IRAK1BP1: variants seen among roughly 807,000 people sequenced by gnomAD.
IRAK1BP1 encodes the protein interleukin-1 receptor-associated kinase 1-binding protein 1.
In IRAK1BP1, 24 loss-of-function variants were observed where a neutral mutation model predicts 28.0. The observed-to-expected ratio is 0.86, with a 90% CI of 0.62 to 1.20. The LOEUF is 1.20. IRAK1BP1 is among the 50% of genes most tolerant of loss of function. IRAK1BP1 has a pLI of 0.00. For missense variants in IRAK1BP1, 336 were observed against 316.7 expected (o/e 1.06, Z -0.46); for synonymous variants, 131 against 116.3 (o/e 1.13, Z -0.81).
chr6:78,888,696 G>A (rs576218060), intron 2 of IRAK1BP1, among the ~76,000 whole-genome samples: 23 of 151,922 alleles, frequency 1.5e-4, no homozygotes, highest in Non-Finnish European at 2.9e-4. Flanking sequence ...AGTAGAGATG[G>A]GATTTCACCA....
At chr6:78,873,504 G>T (rs1319342729) in intron 1 of IRAK1BP1, among the ~76,000 whole-genome samples, 3 of 151,410 alleles carry the variant, frequency 2.0e-5, no homozygotes, top group Non-Finnish European at 4.4e-5. Flanking sequence ...TAAACACAGG[G>T]TCTCATTCTG....
intron 4 of IRAK1BP1, among the ~76,000 whole-genome samples, chr6:78,927,524 G>A (rs1294626460): frequency 1.3e-5 from 2 of 152,098 alleles, no homozygotes; most frequent in African/African-American, 2.4e-5. Context: ...TTGCTGTGCA[G>A]TAGCTTTTTA....
intron 4 of IRAK1BP1, among the ~76,000 whole-genome samples, chr6:78,910,757 C>T (rs1025241626): frequency 1.3e-5 from 2 of 152,262 alleles, no homozygotes; most frequent in East Asian, 1.9e-4. Flanking sequence ...CGCTTCTCGC[C>T]GGCTGGGACT....
the IRAK1BP1 span, among the ~76,000 whole-genome samples, chr6:78,979,322 G>A: frequency 6.6e-6 from 1 of 151,988 alleles, no homozygotes; most frequent in Non-Finnish European, 1.5e-5. Flanking sequence ...AAGGTAACAA[G>A]ATATCCCCAC....
Position 78,898,278 on chromosome 6 carries a change from A to T in IRAK1BP1, c.727A>T (p.Lys243Ter). Reference protein sequence around the residue: ...IKSATIHAASKVFITFEVKGK... With the variant: ...IKSATIHAAS ...AAGTGCAACAATACATGCTGCTTCA[A>T]AAGTATTTATAACTTTTGAGGTAAA... The change falls in exon 4 of 4, where the codon AAA (lysine) becomes TAA (stop). Residue 243 changes from lysine (K) to a stop codon, truncating the protein, a stop_gained. Coordinates refer to ENST00000369940, the MANE Select transcript of IRAK1BP1 (RefSeq NM_001010844.4). LOFTEE classifies it high-confidence loss of function. The T allele has an allele frequency of 1.2e-6, 2 of 1,611,248 alleles. No individual in the cohort carries two copies. Among genetic ancestry groups the T allele is most frequent in the Non-Finnish European group, 1.7e-6 (2 of 1,178,510 alleles).
At chr6:78,879,881 G>T (rs936070660) in intron 1 of IRAK1BP1, among the ~76,000 whole-genome samples, 4 of 152,180 alleles carry the variant, frequency 2.6e-5, no homozygotes, top group African/African-American at 9.6e-5. Context: ...ATAGTAGTGA[G>T]GTTGGTCAGG....
chr6:78,960,281 T>A, the IRAK1BP1 span, among the ~76,000 whole-genome samples: 1 of 152,156 alleles, frequency 6.6e-6, no homozygotes, highest in Non-Finnish European at 1.5e-5. Flanking sequence ...TTGGAAGACA[T>A]CAGCAGCTTA....
Position 78,897,838 on chromosome 6 carries a change from A to G in IRAK1BP1, c.391A>G (p.Thr131Ala), listed in dbSNP as rs757396281. Residue 131 changes from threonine (T) to alanine (A), a missense_variant, in exon 3 of 4, where the codon ACA becomes GCA. Thr to Ala is a moderately conservative substitution (Grantham distance 58). Coordinates refer to ENST00000369940, the MANE Select transcript of IRAK1BP1 (RefSeq NM_001010844.4). ...GTCATTTCATTTACAGGTCTGCATT[A>G]CATTTACTGAATTTGGAAAAATGCA... ...AYHMEAEVCI[T>A]FTEFGKMQNI... 10 of 1,612,242 alleles carry G rather than the reference A, an allele frequency of 6.2e-6. No individual in the cohort carries two copies. The South Asian group carries it at 1.1e-4, about 18-fold the overall frequency.
intron 1 of IRAK1BP1, among the ~76,000 whole-genome samples, chr6:78,879,817 A>G (rs1453934695): frequency 2.0e-5 from 3 of 152,174 alleles, no homozygotes; most frequent in South Asian, 4.1e-4. Context: ...ACCTACATGC[A>G]CATCTCTTGT....
At chr6:78,909,570 T>G (rs755826477) in intron 4 of IRAK1BP1, among the ~76,000 whole-genome samples, 1 of 152,224 alleles carries the variant, frequency 6.6e-6, no homozygotes, top group African/African-American at 2.4e-5. Context: ...AAATGCAGAA[T>G]TGCACAACTC....
In IRAK1BP1 at chr6:78,903,051, A is replaced by C. The variant is rs1325656735; in HGVS notation, c.*4717A>C. On this transcript the variant is annotated 3_prime_UTR_variant, in exon 4 of 4. Transcript: ENST00000369940. ...ACAATTACTCCCAGATAGCCATGTC[A>C]CCTGTGAATTATCATGAATCCCACA... 1.2e-5 allele frequency: 19 copies of C among 1,533,956 alleles called. No individual in the cohort carries two copies. The highest frequency in any genetic ancestry group is 1.6e-5 in the Non-Finnish European group (18 of 1,145,138).
intron 4 of IRAK1BP1, among the ~76,000 whole-genome samples, chr6:78,926,208 T>C (rs1007550888): frequency 2.6e-5 from 4 of 152,144 alleles, no homozygotes; most frequent in Admixed American, 2.6e-4. Flanking sequence ...AGGGAATGCT[T>C]ATACACCGTT....
chr6:78,944,772 C>T (rs1773708836), intron 4 of IRAK1BP1, among the ~76,000 whole-genome samples: 1 of 152,196 alleles, frequency 6.6e-6, no homozygotes, highest in African/African-American at 2.4e-5. Context: ...GGGCTGTCTG[C>T]TGCCAAGAAG....
intron 4 of IRAK1BP1, among the ~76,000 whole-genome samples, chr6:78,921,097 G>A (rs530199378): frequency 2.0e-5 from 3 of 152,294 alleles, no homozygotes; most frequent in South Asian, 2.1e-4. Flanking sequence ...AGGGTGCAGT[G>A]CACTGAACAT....
intron 4 of IRAK1BP1, among the ~76,000 whole-genome samples, chr6:78,913,313 C>T (rs1189712283): frequency 2.0e-5 from 3 of 149,518 alleles, no homozygotes; most frequent in Non-Finnish European, 4.4e-5. Flanking sequence ...CCAGCCTGGG[C>T]AACAGAGCAA....
Position 78,898,325 on chromosome 6 carries a change from G to A in IRAK1BP1, c.774G>A (p.Lys258=), listed in dbSNP as rs754370504. Residue 258 remains lysine, a synonymous_variant, in exon 4 of 4, where the codon AAG becomes AAA. Transcript: ENST00000369940. ...FEVKGKEKRK[K]HL is the part of the protein sequence containing the mutation. ...TAAAGGGAAAAGAGAAGAGAAAAAA[G>A]CACCTTTGAAATTCCAAACAAATTA... 6.5e-6 allele frequency: 10 copies of A among 1,531,048 alleles called. No homozygotes were observed. Among genetic ancestry groups the A allele is most frequent in the Non-Finnish European group, 8.8e-6 (10 of 1,130,938 alleles). 94.8% of individuals were successfully genotyped at this position (1,531,048 alleles called of 1,614,324 possible). A position where few individuals can be genotyped will look rare whatever the true frequency, so the allele number is the denominator to read the frequency against.
chr6:78,950,384 A>T (rs1774074839), downstream of IRAK1BP1, among the ~76,000 whole-genome samples: 1 of 152,082 alleles, frequency 6.6e-6, no homozygotes, highest in Non-Finnish European at 1.5e-5. Context: ...GGGAATTTTG[A>T]GTTTTTCTAT....
intron 2 of IRAK1BP1, among the ~76,000 whole-genome samples, chr6:78,896,391 A>T (rs1771883203): frequency 6.6e-6 from 1 of 152,182 alleles, no homozygotes; most frequent in Non-Finnish European, 1.5e-5. Context: ...TTCAGCATAA[A>T]AGGAACAAAA....
intron 2 of IRAK1BP1, among the ~76,000 whole-genome samples, chr6:78,897,199 G>A (rs1246475311): frequency 1.4e-5 from 2 of 147,728 alleles, no homozygotes; most frequent in Non-Finnish European, 3.0e-5. Context: ...GCTGCAGTGA[G>A]CTATGATAAT....
Sources: allele counts gnomAD v4.1 joint callset (sites outside exome capture counted in the v4.1 genomes callset), GRCh38; gene constraint gnomAD v4.1.1; transcripts MANE v1.5; gene names NCBI Gene and HGNC (gene_info 2026-07-23, HGNC 2026-07-21).